The following DLG2 variants were observed in gnomAD, a reference collection of about 807,000 sequenced individuals.
DLG2 encodes the protein discs large MAGUK scaffold protein 2.
In DLG2, 45 loss-of-function variants were observed where a neutral mutation model predicts 132.5. The ratio of observed to expected loss-of-function variants is 0.34; its 90% CI spans 0.27 to 0.44. DLG2 has a LOEUF of 0.44. Among genes scored for constraint, DLG2 ranks in the 20% least tolerant of loss-of-function variants. The pLI is 1.00. For synonymous variants in DLG2, 424 were observed against 419.6 expected (o/e 1.01, Z -0.13); for missense variants, 1,045 against 1,196.9 (o/e 0.87, Z 1.87).
At chr11:84,292,847 GGAA>G (rs1244264252) in intron 7 of DLG2, among the ~76,000 whole-genome samples, 6 of 152,058 alleles carry the variant, frequency 3.9e-5, no homozygotes, top group East Asian at 1.9e-4. Context: ...GGGCCACATT[GGAA>G]GAAGAAGAAT....
At chr11:84,768,098 T>C (rs184888173) in intron 6 of DLG2, among the ~76,000 whole-genome samples, 6 of 152,320 alleles carry the variant, frequency 3.9e-5, no homozygotes, top group African/African-American at 1.4e-4. Context: ...CTTTATTTCA[T>C]CTGTTAAATG....
chr11:83,949,090 ATTG>A (rs964944632), intron 14 of DLG2, among the ~76,000 whole-genome samples: 7 of 152,194 alleles, frequency 4.6e-5, no homozygotes, highest in Admixed American at 1.3e-4. Flanking sequence ...TTTTTCTAAT[ATTG>A]TTGTCCCTAT....
chr11:83,895,098 G>A (rs1565537215), intron 15 of DLG2, among the ~76,000 whole-genome samples: 1 of 149,902 alleles, frequency 6.7e-6, no homozygotes, highest in Non-Finnish European at 1.5e-5. Flanking sequence ...TATAAATAAT[G>A]CACATACATG....
chr11:83,486,740 T>C (rs946960397), intron 21 of DLG2, among the ~76,000 whole-genome samples: 4 of 151,984 alleles, frequency 2.6e-5, no homozygotes, highest in Admixed American at 6.6e-5. Flanking sequence ...CCATTTCAGA[T>C]TGGAATTAAA....
chr11:83,714,799 G>T (rs114894888), intron 18 of DLG2, among the ~76,000 whole-genome samples: 1,749 of 152,270 alleles, frequency 0.011, 48 homozygotes, highest in African/African-American at 0.04. Flanking sequence ...AGGTACACGT[G>T]TGCCACGTTG....
intron 8 of DLG2, among the ~76,000 whole-genome samples, chr11:84,239,300 C>T (rs879736371): frequency 9.9e-5 from 15 of 152,166 alleles, no homozygotes; most frequent in Non-Finnish European, 1.8e-4. Context: ...CATGCATCAG[C>T]CTCCGGAGTA....
At position 83,554,339 on chromosome 11, in the gene DLG2, C is replaced by A. The variant is rs145405057; in HGVS notation, c.1941-12481G>T. Among the ~76,000 whole-genome samples the A allele has an allele frequency of 4.0e-4, 61 of 152,238 alleles. No individual in the cohort carries two copies. In the East Asian group the frequency reaches 0.01, roughly 26 times the overall value. ...AAAATGTTTGTAAGACTTGGGAACA[C>A]TTGTTTTGCTGTTTACTTGCTCTGT... On this transcript the variant is annotated intron_variant, in intron 19 of 27. Transcript: ENST00000376104.
intron 19 of DLG2, among the ~76,000 whole-genome samples, chr11:83,602,868 A>G (rs961485838): frequency 6.6e-5 from 10 of 151,732 alleles, no homozygotes; most frequent in South Asian, 2.1e-4. Context: ...ATTCAGTCTC[A>G]CCTATTTATA....
chr11:83,712,629 CA>C (rs1049958510), intron 18 of DLG2, among the ~76,000 whole-genome samples: 4 of 151,408 alleles, frequency 2.6e-5, no homozygotes, highest in Middle Eastern at 3.4e-3. Context: ...AAATCCATCT[CA>C]AAAAAAAGGA....
At chr11:83,588,120 G>A (rs541371355) in intron 19 of DLG2, among the ~76,000 whole-genome samples, 23 of 152,292 alleles carry the variant, frequency 1.5e-4, no homozygotes, top group African/African-American at 5.1e-4. Context: ...CTCGAACTGG[G>A]TGGAGCCCAC....
intron 16 of DLG2, among the ~76,000 whole-genome samples, chr11:83,870,042 C>T (rs1054438534): frequency 6.6e-6 from 1 of 152,208 alleles, no homozygotes; most frequent in African/African-American, 2.4e-5. Flanking sequence ...TGCCTTGCTG[C>T]AGACACATCC....
At chr11:83,709,467 T>G (rs2084885422) in intron 18 of DLG2, among the ~76,000 whole-genome samples, 1 of 152,014 alleles carries the variant, frequency 6.6e-6, no homozygotes, top group Non-Finnish European at 1.5e-5. Context: ...TCTGGCCAAC[T>G]AATCTGGGCA....
chr11:84,354,014 C>A (rs1354729497), intron 7 of DLG2, among the ~76,000 whole-genome samples: 1 of 152,150 alleles, frequency 6.6e-6, no homozygotes, highest in Non-Finnish European at 1.5e-5. Context: ...CAAATAACCT[C>A]TAGGAGGACA....
intron 7 of DLG2, among the ~76,000 whole-genome samples, chr11:84,391,462 A>C (rs2098792332): frequency 6.6e-6 from 1 of 152,092 alleles, no homozygotes; most frequent in African/African-American, 2.4e-5. Flanking sequence ...ACCCAAACAA[A>C]TGGTTTTGAT....
At chr11:84,652,299 G>C (rs569838670) in intron 6 of DLG2, among the ~76,000 whole-genome samples, 1 of 152,202 alleles carries the variant, frequency 6.6e-6, no homozygotes, top group Non-Finnish European at 1.5e-5. Context: ...AGAAATAATA[G>C]TAGAGGAATG....
At chr11:83,881,962 A>C (rs2066381731) in intron 15 of DLG2, among the ~76,000 whole-genome samples, 1 of 152,210 alleles carries the variant, frequency 6.6e-6, no homozygotes, top group Non-Finnish European at 1.5e-5. Flanking sequence ...ATTAGGTCTG[A>C]GAGAGATAAG....
chr11:85,231,961 A>G (rs1361148656), intron 4 of DLG2, among the ~76,000 whole-genome samples: 1 of 151,764 alleles, frequency 6.6e-6, no homozygotes, highest in Admixed American at 6.6e-5. Flanking sequence ...TTATTGTTCA[A>G]CAAGACTAGG....
intron 8 of DLG2, among the ~76,000 whole-genome samples, chr11:84,211,392 T>C (rs1275467896): frequency 1.3e-5 from 2 of 152,172 alleles, no homozygotes; most frequent in Admixed American, 1.3e-4. Context: ...TAAGAGAAGC[T>C]TTCAAAATTA....
chr11:84,079,708 G>A (rs2096877495), intron 10 of DLG2, among the ~76,000 whole-genome samples: 1 of 151,902 alleles, frequency 6.6e-6, no homozygotes, highest in Non-Finnish European at 1.5e-5. Context: ...AACATTCCAG[G>A]TCTCATGTTC....
Sources: gnomAD v4.1 joint callset for allele counts (sites outside exome capture counted in the v4.1 genomes callset) on GRCh38, gnomAD v4.1.1 for gene constraint, MANE v1.5 for transcripts, NCBI Gene and HGNC (gene_info 2026-07-23, HGNC 2026-07-21) for gene names.